The following WNK2 variants were observed in gnomAD, a reference collection of about 807,000 sequenced individuals.
WNK2 encodes serine/threonine-protein kinase WNK2.
Under a neutral mutation model 192.1 loss-of-function variants are expected in WNK2, and 67 were observed. That is an observed-to-expected ratio of 0.35 (90% confidence interval 0.29 to 0.43). The LOEUF is 0.43. WNK2 is among the 20% of genes least tolerant of loss of function. The pLI, the probability that WNK2 is intolerant of heterozygous loss-of-function variation, is 1.00. For synonymous variants in WNK2, 1,439 were observed against 1,393.9 expected, an observed-to-expected ratio of 1.03 and a Z score of -0.72; for missense variants, 2,698 against 3,089.7, an observed-to-expected ratio of 0.87 and a Z score of 3.01.
chr9:93,239,213 C>A lies in WNK2; in HGVS notation c.1323-544C>A, dbSNP rs528861693. On this transcript the variant is annotated intron_variant, in intron 6 of 29. Coordinates refer to ENST00000427277, the MANE Select transcript of WNK2 (RefSeq NM_006648.4). The surrounding 1 kb of genome is among the most constrained non-coding windows in gnomAD (Gnocchi z 4.2). ...AGGCTGGGTCTGGCTGGGGCCCCCCCAGTTCTGCAGGTCCTCACTCTCCTC... is the reference window on the plus strand; with the variant it reads ...AGGCTGGGTCTGGCTGGGGCCCCCCAAGTTCTGCAGGTCCTCACTCTCCTC... 6.6e-6 allele frequency among the ~76,000 whole-genome samples: 1 copy of A among 152,220 alleles called. No homozygotes were observed. The highest frequency in any genetic ancestry group is 6.5e-5 in the Admixed American group (1 of 15,292).
intron 29 of WNK2, chr9:93,319,275 G>T: frequency 6.7e-7 from 1 of 1,501,842 alleles, no homozygotes; most frequent in South Asian, 1.3e-5. Context: ...AGCCTCCTAG[G>T]GAGCACAGGA....
chr9:93,306,845 T>C lies in WNK2; in HGVS notation c.6259+24T>C, dbSNP rs1272574780. 5.0e-6 allele frequency: 8 copies of C among 1,613,766 alleles called. No homozygotes were observed. In the Admixed American group the frequency reaches 1.0e-4, roughly 20 times the overall value. ...TAGTAATTATCCGGGTTTTTTCCCC[T>C]TTGTCCTCTCTCATCGCATGGGCTT... On this transcript the variant is annotated intron_variant, in intron 27 of 29. Transcript: ENST00000427277.
At chr9:93,253,870 C>G (rs967840990) in intron 9 of WNK2, among the ~76,000 whole-genome samples, 2 of 152,138 alleles carry the variant, frequency 1.3e-5, no homozygotes, top group African/African-American at 4.8e-5. Flanking sequence ...AGAGGGGTTG[C>G]CCATGAGCCC....
At position 93,267,768 on chromosome 9, in the gene WNK2, A is replaced by C; in HGVS notation, c.3719A>C (p.Gln1240Pro). 1.9e-6 allele frequency: 3 copies of C among 1,604,832 alleles called. 1 individual carries two copies. The South Asian group carries it at 3.4e-5, about 18-fold the overall frequency. Residue 1240 changes from glutamine (Q) to proline (P), a missense_variant, in exon 17 of 30, where the codon CAG becomes CCG. This residue lies in a region of WNK2 where 1,098 missense variants were observed against 1,101.0 expected (regional missense o/e 1.00). Transcript: ENST00000427277. ...CAGGTGGAGCATGACTTTATCCTGC[A>C]GGCCGAGCGGGAAACGTTCATCGAG... Reference protein sequence around the residue: ...TYMVEHDFILQAERETFIEQM... With the variant: ...TYMVEHDFILPAERETFIEQM...
At chr9:93,267,533 G>A (rs1845365548) in intron 16 of WNK2, among the ~76,000 whole-genome samples, 1 of 152,224 alleles carries the variant, frequency 6.6e-6, no homozygotes, top group Admixed American at 6.5e-5. Context: ...GCTTGGAGGA[G>A]GGAGTTGCTT....
intron 23 of WNK2, among the ~76,000 whole-genome samples, chr9:93,294,798 C>T (rs952582225): frequency 2.6e-5 from 4 of 151,780 alleles, no homozygotes; most frequent in Non-Finnish European, 5.9e-5. Flanking sequence ...AGGGAGAGGA[C>T]CAGAAGCACC....
chr9:93,209,384 T>C (rs2131469853), intron 2 of WNK2, among the ~76,000 whole-genome samples: 1 of 152,280 alleles, frequency 6.6e-6, no homozygotes, highest in Non-Finnish European at 1.5e-5. Context: ...CTGCTTGCTC[T>C]CCATTGGGGT....
intron 18 of WNK2, 91 bp from the exon 19 acceptor site, chr9:93,268,536 A>T: frequency 6.5e-7 from 1 of 1,542,340 alleles, no homozygotes; most frequent in Non-Finnish European, 8.8e-7. Context: ...TCACAGACCC[A>T]CTGTGGCAAG....
rs955801462 is a variant in WNK2, at chr9:93,259,044, G to C, written c.2496G>C (p.Gln832His). ...TATVPPVPPP[Q>H]YFSPAVILPS... ...CTGTGCCTCCCGTGCCACCACCTCA[G>C]TATTTCTCTCCAGCCGTGATCTTGC... The change falls in exon 12 of 30, where the codon CAG becomes CAC. Residue 832 changes from glutamine to histidine, a missense_variant. Physicochemically the swap from Gln to His is conservative, Grantham distance 24. Around this residue, in one of 7 missense-constraint regions of WNK2, gnomAD observed 893 missense variants for 909.0 expected, o/e 0.98. Coordinates refer to ENST00000427277, the MANE Select transcript of WNK2 (RefSeq NM_006648.4). The surrounding 1 kb of genome is among the most constrained non-coding windows in gnomAD (Gnocchi z 4.8). The C allele has an allele frequency of 1.2e-6, 2 of 1,612,878 alleles. No homozygotes were observed. Among genetic ancestry groups the C allele is most frequent in the Non-Finnish European group, 1.7e-6 (2 of 1,179,746 alleles).
intron 16 of WNK2, 48 bp from the exon 17 acceptor site, chr9:93,267,698 G>A (rs1233733700): frequency 6.6e-7 from 1 of 1,510,760 alleles, no homozygotes; most frequent in East Asian, 2.4e-5. Flanking sequence ...GACCTAGGGT[G>A]GTCTTGGCCT....
chr9:93,288,688 G>A (rs1376635250), intron 19 of WNK2, 100 bp from the exon 20 acceptor site: 5 of 1,214,398 alleles, frequency 4.1e-6, no homozygotes, highest in Non-Finnish European at 5.7e-6. Context: ...GCACGCTGGG[G>A]CCATGGCCAG....
intron 28 of WNK2, among the ~76,000 whole-genome samples, chr9:93,314,799 A>G (rs1039111769): frequency 2.6e-5 from 4 of 152,148 alleles, no homozygotes; most frequent in Non-Finnish European, 5.9e-5. Context: ...ATGATTTCCC[A>G]TGGAAACTCT....
chr9:93,306,179 C>T (rs1284062912), intron 26 of WNK2, among the ~76,000 whole-genome samples: 3 of 152,180 alleles, frequency 2.0e-5, no homozygotes, highest in African/African-American at 4.8e-5. Flanking sequence ...GGTAGTGTCC[C>T]CAGACATTGA....
At position 93,220,956 on chromosome 9, in the gene WNK2, T is replaced by G. The variant is rs557809241; in HGVS notation, c.682-8740T>G. Among the ~76,000 whole-genome samples, 585 of 152,278 alleles carry G rather than the reference T, an allele frequency of 3.8e-3. 3 individuals carry two copies. Among genetic ancestry groups the G allele is most frequent in the African/African-American group, 0.014 (564 of 41,560 alleles). ...GCTCCATTCTGTGGTCCTGCCCTCC[T>G]CCTGGGCTGCCCACCCATCCCTGCC... is the stretch of plus-strand genomic sequence containing the variant. On this transcript the variant is annotated intron_variant, in intron 2 of 29. Transcript: ENST00000427277.
At chr9:93,268,329 G>T (rs902627581) in intron 18 of WNK2, among the ~76,000 whole-genome samples, 3 of 152,188 alleles carry the variant, frequency 2.0e-5, no homozygotes, top group African/African-American at 7.2e-5. Context: ...TGCCAGTGAG[G>T]CACCCCAGGT....
In WNK2 at chr9:93,252,981, C is replaced by T. The variant is rs373908573; in HGVS notation, c.1933C>T (p.Pro645Ser). ...GCTTGGCTCCCTTGCCGACGCAGCG[C>T]CGTCCCCGGCCCAGTGTGTGTGCAG... Reference protein sequence around the residue: ...VMLGSLADAAPSPAQCVCSPP... With the variant: ...VMLGSLADAASSPAQCVCSPP... The change falls in exon 9 of 30, where the codon CCG becomes TCG. Residue 645 changes from proline to serine, a missense_variant. This residue lies in a region of WNK2 where 893 missense variants were observed against 909.0 expected (regional missense o/e 0.98). Coordinates refer to ENST00000427277, the MANE Select transcript of WNK2 (RefSeq NM_006648.4). 4.4e-5 allele frequency: 69 copies of T among 1,566,970 alleles called. No homozygotes were observed. The highest frequency in any genetic ancestry group is 5.6e-5 in the Non-Finnish European group (65 of 1,157,336).
At chr9:93,186,308 G>A (rs1587710361) in intron 2 of WNK2, among the ~76,000 whole-genome samples, 1 of 152,286 alleles carries the variant, frequency 6.6e-6, no homozygotes, top group Non-Finnish European at 1.5e-5. Flanking sequence ...GCGTGTGGGG[G>A]TTTTTCTTGG....
rs764849757 is a variant in WNK2 at position 93,185,451 on chromosome 9, AGAG to A, written c.531_533del (p.Glu177del). 13 of 1,612,468 alleles carry A rather than the reference AGAG, an allele frequency of 8.1e-6. No individual in the cohort carries two copies. The highest frequency in any genetic ancestry group is 1.1e-5 in the Non-Finnish European group (13 of 1,179,710). On this transcript the variant is annotated inframe_deletion, in exon 2 of 30. Coordinates refer to ENST00000427277, the MANE Select transcript of WNK2 (RefSeq NM_006648.4). ...GGCGCACTCGCCGGGACGAGCCCGA[AGAG>A]GAGGAGGACGACGAGGACGACCTCA... is the stretch of plus-strand genomic sequence containing the variant.
chr9:93,284,516 T>C (rs1481623301), intron 19 of WNK2, among the ~76,000 whole-genome samples: 1 of 152,122 alleles, frequency 6.6e-6, no homozygotes. Flanking sequence ...GTGGAATGCT[T>C]TCTCTTTGAG....
Sources: gnomAD v4.1 joint callset for allele counts (sites outside exome capture counted in the v4.1 genomes callset) on GRCh38, gnomAD v4.1.1 for gene constraint, gnomAD v4.1.1 regional missense constraint, Gnocchi (gnomAD v3.1) non-coding constraint, MANE v1.5 for transcripts, NCBI Gene and HGNC (gene_info 2026-07-23, HGNC 2026-07-21) for gene names.